The following MEF2A variants were observed in gnomAD, a reference collection of about 807,000 sequenced individuals.
The protein encoded by MEF2A is myocyte-specific enhancer factor 2A.
MEF2A carries 28 observed loss-of-function variants against 55.8 expected under a neutral mutation model. The observed-to-expected ratio is 0.50, with a 90% CI of 0.37 to 0.69. The LOEUF is 0.69. MEF2A is among the 30% of genes least tolerant of loss of function. The pLI, the probability that MEF2A is intolerant of heterozygous loss-of-function variation, is 0.00. For synonymous variants in MEF2A, 239 were observed against 227.1 expected, an observed-to-expected ratio of 1.05 and a Z score of -0.47; for missense variants, 528 against 626.2, an observed-to-expected ratio of 0.84 and a Z score of 1.67.
chr15:99,664,852 A>T (rs975077777), intron 4 of MEF2A, among the ~76,000 whole-genome samples: 2 of 152,226 alleles, frequency 1.3e-5, no homozygotes, highest in Non-Finnish European at 2.9e-5. Context: ...TTAGATTTGG[A>T]TGAAGGCATA....
intron 8 of MEF2A, among the ~76,000 whole-genome samples, chr15:99,703,029 A>G (rs1169451221): frequency 6.6e-6 from 1 of 152,216 alleles, no homozygotes; most frequent in African/African-American, 2.4e-5. Flanking sequence ...ACAGTTCCAA[A>G]TACAGATCGA....
At chr15:99,710,800 C>A (rs2153825635) in intron 11 of MEF2A, 40 bp downstream of exon 11, 2 of 1,579,660 alleles carry the variant, frequency 1.3e-6, no homozygotes, top group African/African-American at 2.7e-5. Context: ...TTACTCCTGG[C>A]CTACACACTC....
chr15:99,695,328 A>G (rs2056268244), intron 8 of MEF2A, among the ~76,000 whole-genome samples: 1 of 152,236 alleles, frequency 6.6e-6, no homozygotes, highest in Non-Finnish European at 1.5e-5. Context: ...GGTGTATATT[A>G]TAAACCCTAG....
intron 9 of MEF2A, 30 bp from the exon 10 acceptor site, chr15:99,706,699 G>A: frequency 1.2e-6 from 2 of 1,608,634 alleles, no homozygotes; most frequent in Non-Finnish European, 1.7e-6. Context: ...TACCACATCA[G>A]AACACATTTT....
intron 1 of MEF2A, among the ~76,000 whole-genome samples, chr15:99,579,872 T>G (rs1965414867): frequency 6.6e-6 from 1 of 152,190 alleles, no homozygotes; most frequent in South Asian, 2.1e-4. Context: ...ACCTTAACTA[T>G]TCCCTTTTCT....
intron 2 of MEF2A, among the ~76,000 whole-genome samples, chr15:99,622,150 A>G (rs1295055792): frequency 1.3e-5 from 2 of 152,244 alleles, no homozygotes; most frequent in Non-Finnish European, 2.9e-5. Flanking sequence ...AGTAGAGCCC[A>G]TATTGGGAAT....
At chr15:99,576,415 CAT>C (rs1312111533) in intron 1 of MEF2A, among the ~76,000 whole-genome samples, 5 of 152,008 alleles carry the variant, frequency 3.3e-5, no homozygotes, top group African/African-American at 7.3e-5. Flanking sequence ...TGAGTATGTT[CAT>C]AGTGTCTTGA....
chr15:99,710,449 T>G (rs767102559), intron 10 of MEF2A, among the ~76,000 whole-genome samples, 185 bp from the exon 11 acceptor site: 4 of 152,156 alleles, frequency 2.6e-5, no homozygotes, highest in Admixed American at 6.5e-5. Flanking sequence ...CACCATGTTG[T>G]CCAGGCTGGT....
chr15:99,672,359 C>T (rs1443151386), intron 5 of MEF2A, among the ~76,000 whole-genome samples: 1 of 152,240 alleles, frequency 6.6e-6, no homozygotes, highest in East Asian at 1.9e-4. Context: ...TCTGTATACT[C>T]ATTCATCTAA....
chr15:99,699,958 G>GTGTGTGTGTT (rs1237972183), intron 8 of MEF2A, among the ~76,000 whole-genome samples: 11 of 84,798 alleles, frequency 1.3e-4, no homozygotes, highest in African/African-American at 3.3e-4. Flanking sequence ...TTATATGTGT[G>GTGTGTGTGTT]TGTGTGTGTG....
At chr15:99,651,292 G>A (rs1358119433) in intron 4 of MEF2A, among the ~76,000 whole-genome samples, 1 of 152,138 alleles carries the variant, frequency 6.6e-6, no homozygotes, top group Admixed American at 6.5e-5. Flanking sequence ...TATCTCCTGA[G>A]ATCATCTAGT....
intron 1 of MEF2A, among the ~76,000 whole-genome samples, chr15:99,590,644 GTTTTA>G (rs1458381956): frequency 6.6e-6 from 1 of 151,014 alleles, no homozygotes. Flanking sequence ...TGGTTGATTA[GTTTTA>G]TTTTATGTAT....
intron 2 of MEF2A, among the ~76,000 whole-genome samples, chr15:99,631,643 A>G (rs1036820802): frequency 6.6e-6 from 1 of 151,298 alleles, no homozygotes; most frequent in Non-Finnish European, 1.5e-5. Flanking sequence ...ATTAGGAATC[A>G]TATCCTTTTT....
intron 1 of MEF2A, among the ~76,000 whole-genome samples, chr15:99,593,930 A>G (rs577723305): frequency 6.6e-6 from 1 of 152,174 alleles, no homozygotes; most frequent in Non-Finnish European, 1.5e-5. Context: ...GTAAAAAACA[A>G]ATTATTTTTT....
chr15:99,619,539 T>TA (rs1418432544), intron 2 of MEF2A, among the ~76,000 whole-genome samples: 1 of 152,218 alleles, frequency 6.6e-6, no homozygotes, highest in Non-Finnish European at 1.5e-5. Flanking sequence ...TTGCTGTTGT[T>TA]ACTATGCAGC....
chr15:99,686,041 G>A (rs325398), intron 7 of MEF2A, among the ~76,000 whole-genome samples: 32,843 of 151,772 alleles, frequency 0.22, 4,150 homozygotes, highest in South Asian at 0.3. Flanking sequence ...TAACCTAGGC[G>A]GGTTGTATAT....
At chr15:99,670,601 C>T (rs576650833) in intron 4 of MEF2A, among the ~76,000 whole-genome samples, 24 of 151,748 alleles carry the variant, frequency 1.6e-4, no homozygotes, top group South Asian at 2.1e-4. Flanking sequence ...CAGAACGAGA[C>T]TCCGTCTCAA....
chr15:99,711,291 G>A (rs1164552829), intron 11 of MEF2A, among the ~76,000 whole-genome samples: 1 of 152,086 alleles, frequency 6.6e-6, no homozygotes, highest in East Asian at 1.9e-4. Flanking sequence ...CTGGGGACAG[G>A]GTGTCTTATA....
intron 3 of MEF2A, among the ~76,000 whole-genome samples, chr15:99,638,535 A>G (rs549091124): frequency 1.3e-5 from 2 of 152,128 alleles, no homozygotes; most frequent in African/African-American, 2.4e-5. Context: ...TTTTCTAGCA[A>G]TCTATTTTCT....
Sources: allele counts gnomAD v4.1 joint callset (sites outside exome capture counted in the v4.1 genomes callset), GRCh38; gene constraint gnomAD v4.1.1; transcripts MANE v1.5; gene names NCBI Gene and HGNC (gene_info 2026-07-23, HGNC 2026-07-21).